NCKAP5: variants seen among roughly 807,000 people sequenced by gnomAD.
The protein encoded by NCKAP5 is nck-associated protein 5.
A neutral mutation model predicts 167.0 loss-of-function variants in NCKAP5; 92 were observed. The ratio of observed to expected loss-of-function variants is 0.55; its 90% confidence interval spans 0.47 to 0.66. The LOEUF (loss-of-function observed/expected upper bound fraction) is 0.66, where lower values mean the gene tolerates loss of function less well. Among genes scored for constraint, NCKAP5 ranks in the 30% least tolerant of loss-of-function variants. The probability of loss-of-function intolerance (pLI) is 0.00; values close to 1 mark genes in which losing one functional copy is unlikely to be tolerated. For synonymous variants in NCKAP5, 891 were observed against 877.4 expected (o/e 1.02, Z -0.27); for missense variants, 2,378 against 2,315.0 (o/e 1.03, Z -0.56).
intron 3 of NCKAP5, among the ~76,000 whole-genome samples, chr2:133,334,131 G>A (rs1683057276): frequency 6.6e-6 from 1 of 152,180 alleles, no homozygotes; most frequent in Admixed American, 6.5e-5. Context: ...GAGCCATCTT[G>A]CTTGGATTCA....
At chr2:133,532,757 C>T (rs1320865866) in intron 2 of NCKAP5, among the ~76,000 whole-genome samples, 1 of 151,956 alleles carries the variant, frequency 6.6e-6, no homozygotes, top group Non-Finnish European at 1.5e-5. Flanking sequence ...CTAATTTCAC[C>T]CCCTTCACTA....
intron 2 of NCKAP5, among the ~76,000 whole-genome samples, chr2:133,520,999 G>A (rs1341933874): frequency 3.9e-5 from 6 of 152,136 alleles, no homozygotes; most frequent in Non-Finnish European, 7.4e-5. Context: ...TCATGGAAAG[G>A]TTCAGAGTAA....
At chr2:132,954,221 T>A (rs548737580) in intron 8 of NCKAP5, among the ~76,000 whole-genome samples, 5 of 152,300 alleles carry the variant, frequency 3.3e-5, no homozygotes, top group African/African-American at 1.2e-4. Context: ...TATAAAGTTT[T>A]CCCAAGATTT....
At chr2:132,752,956 G>A (rs1391893675) in intron 16 of NCKAP5, among the ~76,000 whole-genome samples, 1 of 152,218 alleles carries the variant, frequency 6.6e-6, no homozygotes. Context: ...ACTTGGGAGA[G>A]GATTAGCCTT....
intron 5 of NCKAP5, among the ~76,000 whole-genome samples, chr2:133,165,194 C>T (rs1446620986): frequency 6.6e-6 from 1 of 152,158 alleles, no homozygotes; most frequent in Non-Finnish European, 1.5e-5. Context: ...CCCAAAATGT[C>T]AATAGTGTCA....
chr2:133,186,295 G>T (rs2084943064), intron 5 of NCKAP5, among the ~76,000 whole-genome samples: 2 of 152,072 alleles, frequency 1.3e-5, no homozygotes, highest in Non-Finnish European at 2.9e-5. Flanking sequence ...TTGCATCTCA[G>T]GAATAAAGCC....
intron 8 of NCKAP5, among the ~76,000 whole-genome samples, chr2:132,948,527 C>T (rs992381334): frequency 3.3e-5 from 5 of 152,108 alleles, no homozygotes; most frequent in African/African-American, 7.2e-5. Flanking sequence ...AAACAGAAAT[C>T]GGCCATTCAG....
At chr2:132,937,537 G>A (rs1696946934) in intron 8 of NCKAP5, among the ~76,000 whole-genome samples, 1 of 152,158 alleles carries the variant, frequency 6.6e-6, no homozygotes, top group Non-Finnish European at 1.5e-5. Context: ...TGTTCTCAGA[G>A]TTCACATTCT....
At chr2:133,440,709 C>CAAA (rs1174654151) in intron 3 of NCKAP5, among the ~76,000 whole-genome samples, 10 of 32,668 alleles carry the variant, frequency 3.1e-4, no homozygotes, top group East Asian at 7.4e-4. Context: ...GACTCTGTCT[C>CAAA]AAAAAAAAAA....
chr2:133,324,715 CTTTT>C (rs1238360798), intron 3 of NCKAP5, among the ~76,000 whole-genome samples: 1 of 149,898 alleles, frequency 6.7e-6, no homozygotes, highest in Non-Finnish European at 1.5e-5. Context: ...ATTCCAAGTG[CTTTT>C]TTTTTTCTTT....
chr2:132,885,238 G>A (rs1692123483), intron 8 of NCKAP5, among the ~76,000 whole-genome samples: 1 of 151,972 alleles, frequency 6.6e-6, no homozygotes, highest in African/African-American at 2.4e-5. Flanking sequence ...TTAACTAAAT[G>A]TGATTTAAAG....
Position 133,144,023 on chromosome 2 carries a change from A to C in NCKAP5, c.208-13912T>G, listed in dbSNP as rs528147024. 3.3e-3 allele frequency among the ~76,000 whole-genome samples: 502 copies of C among 152,234 alleles called. 1 individual carries two copies. Among genetic ancestry groups the C allele is most frequent in the Non-Finnish European group, 5.3e-3 (362 of 67,994 alleles). ...GCCTCTCCCTTTCCAGGACCTTGTT[A>C]GAGATTGTAGGGTATAGAAGAGTTC... On this transcript the variant is annotated intron_variant, in intron 5 of 19. Coordinates refer to ENST00000409261, the MANE Select transcript of NCKAP5 (RefSeq NM_207363.3).
chr2:133,376,019 G>T (rs1686121103), intron 3 of NCKAP5, among the ~76,000 whole-genome samples: 2 of 152,286 alleles, frequency 1.3e-5, no homozygotes, highest in Middle Eastern at 6.8e-3. Context: ...AGGACCAAAT[G>T]CCTGGCTAGG....
chr2:133,402,499 G>A (rs1191176043), intron 3 of NCKAP5, among the ~76,000 whole-genome samples: 5 of 152,176 alleles, frequency 3.3e-5, no homozygotes, highest in Admixed American at 6.5e-5. Context: ...GGGTTTGGAT[G>A]TTCTGTTCCC....
At chr2:133,208,848 C>A (rs548469386) in intron 5 of NCKAP5, among the ~76,000 whole-genome samples, 7 of 152,082 alleles carry the variant, frequency 4.6e-5, no homozygotes, top group Non-Finnish European at 8.8e-5. Context: ...ATCTCATTTT[C>A]TATTTTCAGG....
At chr2:133,071,598 T>C (rs1481543594) in intron 6 of NCKAP5, among the ~76,000 whole-genome samples, 1 of 152,216 alleles carries the variant, frequency 6.6e-6, no homozygotes, top group Non-Finnish European at 1.5e-5. Context: ...TGCAGCTGGG[T>C]AGTCCTACAG....
At chr2:132,846,388 T>G (rs1688664039) in intron 11 of NCKAP5, among the ~76,000 whole-genome samples, 1 of 152,118 alleles carries the variant, frequency 6.6e-6, no homozygotes, top group Non-Finnish European at 1.5e-5. Flanking sequence ...CATTGCAGCC[T>G]CCGTCTCCTG....
chr2:133,067,963 A>G (rs550196976), intron 6 of NCKAP5, among the ~76,000 whole-genome samples: 1 of 152,172 alleles, frequency 6.6e-6, no homozygotes, highest in Non-Finnish European at 1.5e-5. Flanking sequence ...CTCATGAATT[A>G]TCGATTAGAT....
chr2:133,601,776 T>C, the NCKAP5 span, among the ~76,000 whole-genome samples: 1 of 152,080 alleles, frequency 6.6e-6, no homozygotes, highest in Non-Finnish European at 1.5e-5. Flanking sequence ...CTTGAAGAAC[T>C]TTTTAAAGAT....
Sources: allele counts gnomAD v4.1 joint callset (sites outside exome capture counted in the v4.1 genomes callset), GRCh38; gene constraint gnomAD v4.1.1; transcripts MANE v1.5; gene names NCBI Gene and HGNC (gene_info 2026-07-23, HGNC 2026-07-21).